OTUD4: variants seen among roughly 807,000 people sequenced by gnomAD.
OTUD4 encodes the protein OTU domain-containing protein 4.
Under a neutral mutation model 130.4 loss-of-function variants are expected in OTUD4, and 24 were observed. The ratio of observed to expected loss-of-function variants is 0.18; its 90% confidence interval spans 0.13 to 0.26. The LOEUF (loss-of-function observed/expected upper bound fraction) is 0.26, where lower values mean the gene tolerates loss of function less well. OTUD4 is among the 10% of genes least tolerant of loss of function. The probability of loss-of-function intolerance (pLI) is 1.00; values close to 1 mark genes in which losing one functional copy is unlikely to be tolerated. For missense variants in OTUD4, 1,031 were observed against 1,329.4 expected (o/e 0.78, Z 3.49); for synonymous variants, 420 against 472.5 (o/e 0.89, Z 1.44).
chr4:145,167,796 T>C (rs1751949985), intron 3 of OTUD4, among the ~76,000 whole-genome samples: 3 of 152,134 alleles, frequency 2.0e-5, no homozygotes, highest in Admixed American at 6.5e-5. Context: ...AAGCAGAGGT[T>C]GCAGTGAGCT....
intron 3 of OTUD4, among the ~76,000 whole-genome samples, chr4:145,170,244 G>T (rs929784098): frequency 6.6e-6 from 1 of 152,222 alleles, no homozygotes; most frequent in African/African-American, 2.4e-5. Flanking sequence ...AGAAACACGG[G>T]TCTAAAGCAT....
intron 10 of OTUD4, among the ~76,000 whole-genome samples, chr4:145,153,306 C>T (rs1751149467): frequency 6.6e-6 from 1 of 152,184 alleles, no homozygotes. Flanking sequence ...TGTGGCCCCA[C>T]ATACCCCAGG....
In OTUD4 at chr4:145,164,212, AT is replaced by A; in HGVS notation, c.355del (p.Ile119PhefsTer12). On this transcript the variant is annotated frameshift_variant, in exon 5 of 21. Transcript: ENST00000447906. LOFTEE classifies it high-confidence loss of function. The stretch of plus-strand genomic sequence containing the variant: ...AGGAGAAACATTTGGTTCCCGATAA[AT>A]TATAAAATCTTTCCTGAAAATAACA... ...LSLMYRKDFI[I>X]YREPNVSPSQ... The A allele has an allele frequency of 7.3e-7, 1 of 1,361,848 alleles. No individual in the cohort carries two copies. Among genetic ancestry groups the A allele is most frequent in the Non-Finnish European group, 1.0e-6 (1 of 976,110 alleles). The allele number at this position is 1,361,848 out of a possible 1,614,324, so 84.4% of individuals were successfully genotyped here.
At chr4:145,163,703 CT>C (rs11430342) in intron 5 of OTUD4, among the ~76,000 whole-genome samples, 3,144 of 126,472 alleles carry the variant, frequency 0.025, 50 homozygotes, top group Middle Eastern at 0.05. Flanking sequence ...TAATAGGAAC[CT>C]TTTTTTTTTT....
intron 5 of OTUD4, among the ~76,000 whole-genome samples, chr4:145,163,888 AG>A (rs1217525872): frequency 2.0e-5 from 3 of 151,838 alleles, no homozygotes; most frequent in Admixed American, 2.0e-4. Flanking sequence ...GTATTTTTTC[AG>A]TAGAGACAGG....
chr4:145,164,873 T>C (rs207465153), intron 4 of OTUD4, among the ~76,000 whole-genome samples: 2 of 152,296 alleles, frequency 1.3e-5, no homozygotes, highest in South Asian at 2.1e-4. Context: ...CCTGAGAAAG[T>C]AGAAAATCAT....
At chr4:145,165,003 A>G in intron 4 of OTUD4, 148 bp downstream of exon 4, 4 of 476,608 alleles carry the variant, frequency 8.4e-6, no homozygotes, top group Non-Finnish European at 1.5e-5. Flanking sequence ...AAATGTCAAA[A>G]TCTAATTGAT....
At chr4:145,165,554 C>T (rs1293182964) in intron 3 of OTUD4, among the ~76,000 whole-genome samples, 2 of 151,972 alleles carry the variant, frequency 1.3e-5, no homozygotes, top group African/African-American at 2.4e-5. Context: ...CTCGGCTCAC[C>T]GCAACCTCTG....
chr4:145,138,726 T>G (rs759370786), intron 20 of OTUD4, 76 bp from the exon 21 acceptor site: 1 of 1,340,706 alleles, frequency 7.5e-7, no homozygotes, highest in Non-Finnish European at 1.0e-6. Flanking sequence ...AATCTACAAG[T>G]ACTAGGGTCA....
Position 145,149,848 on chromosome 4 carries a change from A to G in OTUD4, c.1259+665T>C, listed in dbSNP as rs146720066. ...TGAAGACTCCACAGGAAACACGGTC[A>G]TATTTGCACGATGAAGACAGTTTCA... is the stretch of plus-strand genomic sequence containing the variant. On this transcript the variant is annotated intron_variant, in intron 13 of 20. Transcript: ENST00000447906. Among the ~76,000 whole-genome samples the G allele has an allele frequency of 2.6e-4, 40 of 152,368 alleles. No homozygotes were observed. In the East Asian group the frequency reaches 6.2e-3, roughly 23 times the overall value.
chr4:145,165,057 TA>T, intron 4 of OTUD4, 93 bp downstream of exon 4: 1 of 668,470 alleles, frequency 1.5e-6, no homozygotes, highest in Non-Finnish European at 2.5e-6. Flanking sequence ...AACTAAAGTA[TA>T]AAAGAGCTTT....
At chr4:145,177,147 A>T (rs1752466619) in intron 1 of OTUD4, among the ~76,000 whole-genome samples, 1 of 152,238 alleles carries the variant, frequency 6.6e-6, no homozygotes, top group Non-Finnish European at 1.5e-5. Context: ...GAATCAAGGT[A>T]TTACTCGTAT....
At chr4:145,179,721 G>C in intron 1 of OTUD4, 94 bp downstream of exon 1, 1 of 1,425,618 alleles carries the variant, frequency 7.0e-7, no homozygotes, top group South Asian at 1.5e-5. Context: ...CCCCGGCCGT[G>C]GGCGGCCCGG....
chr4:145,155,802 C>A, intron 8 of OTUD4, 116 bp from the exon 9 acceptor site: 1 of 981,992 alleles, frequency 1.0e-6, no homozygotes. Context: ...ATTAGGAAGC[C>A]ACCAAATCAA....
chr4:145,168,141 T>C (rs1190795434), intron 3 of OTUD4, among the ~76,000 whole-genome samples: 1 of 152,132 alleles, frequency 6.6e-6, no homozygotes, highest in South Asian at 2.1e-4. Context: ...CTTCAAAATA[T>C]GTTTTAACTA....
chr4:145,164,818 C>G (rs1169755212), intron 4 of OTUD4, among the ~76,000 whole-genome samples: 7 of 152,062 alleles, frequency 4.6e-5, no homozygotes. Context: ...CAATTTGTAA[C>G]ATGGTATTTT....
chr4:145,157,455 G>A (rs929013503), intron 7 of OTUD4, among the ~76,000 whole-genome samples: 4 of 152,038 alleles, frequency 2.6e-5, no homozygotes, highest in Admixed American at 1.3e-4. Context: ...TTGGGAGGCC[G>A]AGGCGGGTGG....
rs1750810031 is a variant in OTUD4 at position 145,146,111 on chromosome 4, GAAAAGGAAA to G, written c.1422+147_1422+155del. 2.0e-5 allele frequency: 9 copies of G among 449,920 alleles called. No individual in the cohort carries two copies. The Admixed American group carries it at 2.6e-4, about 13-fold the overall frequency. The allele number at this position is 449,920 out of a possible 1,614,324, so 27.9% of individuals were successfully genotyped here. A position where few individuals can be genotyped will look rare whatever the true frequency, so the allele number is the denominator to read the frequency against. Reference sequence around the variant, plus strand: ...GGTCTAGAGATATTACTAAATATGTGAAAAGGAAAAATAGGAAAAATGTGAAAAATGTGA... The same window carrying G: ...GGTCTAGAGATATTACTAAATATGTGAATAGGAAAAATGTGAAAAATGTGA... On this transcript the variant is annotated intron_variant, in intron 14 of 20. Coordinates refer to ENST00000447906, the MANE Select transcript of OTUD4 (RefSeq NM_001366057.1).
At chr4:145,163,657 C>CA (rs35149657) in intron 5 of OTUD4, among the ~76,000 whole-genome samples, 2 of 135,108 alleles carry the variant, frequency 1.5e-5, no homozygotes, top group South Asian at 2.4e-4. Flanking sequence ...CTTGTGGGAG[C>CA]AAAAAAAATA....
Sources: gnomAD v4.1 joint callset for allele counts (sites outside exome capture counted in the v4.1 genomes callset) on GRCh38, gnomAD v4.1.1 for gene constraint, MANE v1.5 for transcripts, NCBI Gene and HGNC (gene_info 2026-07-23, HGNC 2026-07-21) for gene names.